Variants in LOC400499 observed in about 807,000 individuals in gnomAD.
At chr16:11,382,258 T>A in the LOC400499 span, among the ~76,000 whole-genome samples, 40 of 152,222 alleles carry the variant, frequency 2.6e-4, no homozygotes, top group African/African-American at 9.2e-4. Context: ...ACATGTTGGA[T>A]CCTCTTATTT....
the LOC400499 span, chr16:11,404,583 G>C: frequency 2.0e-5 from 8 of 395,276 alleles, 1 homozygote; most frequent in Non-Finnish European, 3.1e-5. Context: ...CTGACCTCGA[G>C]TGATCTACCC....
the LOC400499 span, chr16:11,441,144 C>T: frequency 5.0e-6 from 2 of 398,488 alleles, no homozygotes; most frequent in Non-Finnish European, 8.8e-6. Flanking sequence ...GCAGAAGCTA[C>T]CCTGGGAATC....
chr16:11,433,276 G>T, the LOC400499 span, among the ~76,000 whole-genome samples: 10 of 152,170 alleles, frequency 6.6e-5, no homozygotes, highest in African/African-American at 2.4e-4. Context: ...TGGGGATAAG[G>T]ATGGGCAGTT....
At chr16:11,414,185 G>C in the LOC400499 span, among the ~76,000 whole-genome samples, 1 of 152,248 alleles carries the variant, frequency 6.6e-6, no homozygotes, top group South Asian at 2.1e-4. Flanking sequence ...CCTGGTTATA[G>C]CGATTATGAA....
the LOC400499 span, chr16:11,423,175 A>G: frequency 1.0e-5 from 4 of 399,224 alleles, no homozygotes; most frequent in Admixed American, 8.8e-5. Flanking sequence ...CAGAGACCCC[A>G]TACCTCGAGA....
the LOC400499 span, chr16:11,430,919 A>G: frequency 2.5e-6 from 1 of 397,748 alleles, no homozygotes; most frequent in African/African-American, 2.1e-5. Context: ...ACCTGTAGAT[A>G]TGCCAGTGTG....
At chr16:11,486,094 G>A in the LOC400499 span, among the ~76,000 whole-genome samples, 11 of 149,100 alleles carry the variant, frequency 7.4e-5, no homozygotes, top group African/African-American at 2.8e-4. Flanking sequence ...ATGGATGGAC[G>A]GATAGATGGA....
chr16:11,385,816 T>C, the LOC400499 span, among the ~76,000 whole-genome samples: 1 of 152,136 alleles, frequency 6.6e-6, no homozygotes, highest in Non-Finnish European at 1.5e-5. Flanking sequence ...TGTTTTAAAA[T>C]CGACTGTGGT....
At chr16:11,516,293 C>T in the LOC400499 span, 5 of 399,236 alleles carry the variant, frequency 1.3e-5, no homozygotes, top group Non-Finnish European at 2.2e-5. Flanking sequence ...GAGTGGGTTA[C>T]GGCCCAGGGT....
chr16:11,448,060 T>G, the LOC400499 span: 4 of 1,535,142 alleles, frequency 2.6e-6, no homozygotes, highest in South Asian at 4.8e-5. Flanking sequence ...GAGCGACACC[T>G]GGGTCTTCCG....
At chr16:11,448,964 G>T in the LOC400499 span, 1 of 1,503,666 alleles carries the variant, frequency 6.7e-7, no homozygotes. Flanking sequence ...GCTCCTGCTG[G>T]GGGCCTTTCA....
the LOC400499 span, chr16:11,384,815 C>T: frequency 1.6e-6 from 2 of 1,214,570 alleles, no homozygotes; most frequent in Non-Finnish European, 2.1e-6. Context: ...CCCTGCCGCC[C>T]TGGAAGCTTA....
chr16:11,435,860 C>A, the LOC400499 span: 1 of 399,202 alleles, frequency 2.5e-6, no homozygotes, highest in Non-Finnish European at 4.4e-6. Flanking sequence ...CACTCTGTAG[C>A]GCCCGGCAGC....
At chr16:11,518,152 C>T in the LOC400499 span, among the ~76,000 whole-genome samples, 1 of 152,216 alleles carries the variant, frequency 6.6e-6, no homozygotes, top group Non-Finnish European at 1.5e-5. Context: ...GGACAATAGT[C>T]CCCTTGGAGG....
At chr16:11,478,322 C>G in the LOC400499 span, among the ~76,000 whole-genome samples, 1 of 151,928 alleles carries the variant, frequency 6.6e-6, no homozygotes, top group South Asian at 2.1e-4. Context: ...GCCACTTCGC[C>G]GAACCAGATA....
the LOC400499 span, chr16:11,383,643 A>C: frequency 4.9e-6 from 6 of 1,232,206 alleles, no homozygotes; most frequent in Non-Finnish European, 6.1e-6. Flanking sequence ...GCAGCTTACC[A>C]CACTGTGGAG....
chr16:11,426,474 A>G, the LOC400499 span, among the ~76,000 whole-genome samples: 3 of 152,138 alleles, frequency 2.0e-5, no homozygotes, highest in Non-Finnish European at 2.9e-5. Context: ...ACTCTGCAAA[A>G]CCAATAGCAA....
the LOC400499 span, among the ~76,000 whole-genome samples, chr16:11,415,204 T>G: frequency 1.3e-5 from 2 of 152,218 alleles, no homozygotes; most frequent in African/African-American, 4.8e-5. Flanking sequence ...CAGGAGATTT[T>G]GGCTCACAGT....
At chr16:11,383,821 A>AG in the LOC400499 span, 1 of 1,232,188 alleles carries the variant, frequency 8.1e-7, no homozygotes, top group African/African-American at 1.6e-5. Context: ...CCACACCCTG[A>AG]GGAGGGACCT....
Sources: allele counts gnomAD v4.1 joint callset (sites outside exome capture counted in the v4.1 genomes callset), GRCh38; gene constraint gnomAD v4.1.1; transcripts MANE v1.5.